Variants in FAM13A observed in about 807,000 individuals in gnomAD.
The protein encoded by FAM13A is family with sequence similarity 13 member A.
Under a neutral mutation model 129.6 loss-of-function variants are expected in FAM13A, and 76 were observed. The observed-to-expected ratio is 0.59, with a 90% confidence interval of 0.49 to 0.71. The LOEUF is 0.71. Among genes scored for constraint, FAM13A ranks in the 30% least tolerant of loss-of-function variants. FAM13A has a pLI of 0.00. For synonymous variants in FAM13A, 443 were observed against 449.9 expected (o/e 0.98, Z 0.20); for missense variants, 1,108 against 1,249.3 (o/e 0.89, Z 1.70).
chr4:88,888,352 T>C (rs1262989616), intron 6 of FAM13A, among the ~76,000 whole-genome samples: 1 of 152,216 alleles, frequency 6.6e-6, no homozygotes, highest in Non-Finnish European at 1.5e-5. Context: ...CAGAATCTTC[T>C]GCCAGTGGGA....
chr4:88,783,220 T>G (rs907949593), intron 10 of FAM13A, among the ~76,000 whole-genome samples: 1 of 152,182 alleles, frequency 6.6e-6, no homozygotes, highest in East Asian at 1.9e-4. Context: ...TACTAGGTCT[T>G]TTGCAAACTA....
chr4:88,979,578 T>G (rs9307058), intron 4 of FAM13A, among the ~76,000 whole-genome samples: 56,187 of 151,774 alleles, frequency 0.37, 10,417 homozygotes, highest in Middle Eastern at 0.51. Flanking sequence ...CCTCATAGGG[T>G]TTTGAGGATA....
intron 7 of FAM13A, among the ~76,000 whole-genome samples, chr4:88,829,511 T>C: frequency 6.6e-6 from 1 of 152,210 alleles, no homozygotes; most frequent in East Asian, 1.9e-4. Flanking sequence ...AGATACATGG[T>C]ATTTATAAAT....
intron 4 of FAM13A, among the ~76,000 whole-genome samples, chr4:88,945,990 G>GTGTGTA: frequency 4.8e-5 from 3 of 61,964 alleles, no homozygotes; most frequent in South Asian, 6.1e-4. Context: ...GTGTGTGTGT[G>GTGTGTA]TATATATATA....
At chr4:89,015,541 A>G (rs1395517881) in intron 3 of FAM13A, among the ~76,000 whole-genome samples, 1 of 152,210 alleles carries the variant, frequency 6.6e-6, no homozygotes, top group Non-Finnish European at 1.5e-5. Flanking sequence ...GGGGCGGGTT[A>G]CCCCGATACT....
In FAM13A at chr4:88,965,601, TTAA is replaced by T. The variant is rs1369775411; in HGVS notation, c.605+25369_605+25371del. Among the ~76,000 whole-genome samples, 7 of 152,326 alleles carry T rather than the reference TTAA, an allele frequency of 4.6e-5. No individual in the cohort carries two copies. The South Asian group carries it at 8.3e-4, about 18-fold the overall frequency. On this transcript the variant is annotated intron_variant, in intron 4 of 23. Transcript: ENST00000264344. ...AAAAAACAAGATGAAATTTGCCATC[TTAA>T]TAATTTTTAAGCGTAGAGTTCAGTA...
chr4:88,955,940 A>T (rs1462927029), intron 4 of FAM13A, among the ~76,000 whole-genome samples: 1 of 152,238 alleles, frequency 6.6e-6, no homozygotes, highest in Non-Finnish European at 1.5e-5. Flanking sequence ...AGGCTGCACA[A>T]CTTTGCATAA....
At chr4:89,019,401 A>G (rs1053146519) in intron 3 of FAM13A, among the ~76,000 whole-genome samples, 10 of 152,160 alleles carry the variant, frequency 6.6e-5, no homozygotes, top group African/African-American at 2.2e-4. Context: ...AGGGTAAACC[A>G]TTTTTCTTAC....
At chr4:88,867,395 A>G (rs1396948334) in intron 6 of FAM13A, among the ~76,000 whole-genome samples, 11 of 152,250 alleles carry the variant, frequency 7.2e-5, no homozygotes, top group Non-Finnish European at 1.6e-4. Context: ...AAAGCACAAC[A>G]TGTAAAAAAA....
At chr4:88,923,081 C>G (rs1333771282) in intron 5 of FAM13A, among the ~76,000 whole-genome samples, 2 of 152,046 alleles carry the variant, frequency 1.3e-5, no homozygotes, top group Non-Finnish European at 2.9e-5. Flanking sequence ...CAAAAAGGGT[C>G]CAGGACCAGA....
intron 4 of FAM13A, among the ~76,000 whole-genome samples, chr4:88,972,349 T>C (rs989440160): frequency 6.7e-6 from 1 of 150,126 alleles, no homozygotes; most frequent in African/African-American, 2.5e-5. Context: ...TTGCTCAGGC[T>C]GGATTGCAGT....
chr4:89,000,137 A>G (rs12508371), intron 3 of FAM13A, among the ~76,000 whole-genome samples: 54,975 of 151,976 alleles, frequency 0.36, 9,952 homozygotes, highest in Middle Eastern at 0.51. Flanking sequence ...TTCTAAAACT[A>G]TGTTAGAAAA....
chr4:88,800,476 G>A (rs1222326077), intron 8 of FAM13A, among the ~76,000 whole-genome samples: 2 of 152,046 alleles, frequency 1.3e-5, no homozygotes, highest in African/African-American at 4.8e-5. Flanking sequence ...CTTGAGGTCA[G>A]GAGTTTGAGA....
intron 4 of FAM13A, among the ~76,000 whole-genome samples, chr4:88,974,640 C>G (rs977073266): frequency 1.3e-5 from 2 of 151,950 alleles, no homozygotes; most frequent in African/African-American, 4.8e-5. Context: ...CCATGACCGG[C>G]TAATTTTATA....
At chr4:88,957,548 A>G (rs535456091) in intron 4 of FAM13A, among the ~76,000 whole-genome samples, 1 of 152,332 alleles carries the variant, frequency 6.6e-6, no homozygotes, top group East Asian at 1.9e-4. Context: ...AGCCTAACAT[A>G]GAAAATTGGT....
intron 4 of FAM13A, among the ~76,000 whole-genome samples, chr4:88,938,568 T>C (rs2148816069): frequency 6.6e-6 from 1 of 152,314 alleles, no homozygotes; most frequent in South Asian, 2.1e-4. Flanking sequence ...AATGAGGGTT[T>C]TCATAACAGA....
chr4:88,852,130 C>G (rs1207928631), intron 6 of FAM13A, among the ~76,000 whole-genome samples: 1 of 151,688 alleles, frequency 6.6e-6, no homozygotes, highest in Non-Finnish European at 1.5e-5. Flanking sequence ...TGAGATAACT[C>G]CAGTGGACTT....
At chr4:88,756,856 A>G (rs1743754666) in intron 14 of FAM13A, among the ~76,000 whole-genome samples, 1 of 152,248 alleles carries the variant, frequency 6.6e-6, no homozygotes, top group African/African-American at 2.4e-5. Context: ...AAGGTCACTG[A>G]AAGCAGTAAT....
intron 13 of FAM13A, among the ~76,000 whole-genome samples, chr4:88,765,161 G>A (rs1745499761): frequency 6.6e-6 from 1 of 152,034 alleles, no homozygotes; most frequent in South Asian, 2.1e-4. Context: ...GCATTTCTGA[G>A]GCTGAAAACA....
Sources: allele counts gnomAD v4.1 joint callset (sites outside exome capture counted in the v4.1 genomes callset), GRCh38; gene constraint gnomAD v4.1.1; transcripts MANE v1.5; gene names NCBI Gene and HGNC (gene_info 2026-07-23, HGNC 2026-07-21).